The following GAB2 variants were observed in gnomAD, a reference collection of about 807,000 sequenced individuals.
GAB2 encodes GRB2-associated-binding protein 2.
In GAB2, 26 loss-of-function variants were observed where a neutral mutation model predicts 65.5. The observed-to-expected ratio is 0.40, with a 90% CI of 0.29 to 0.55. The LOEUF (loss-of-function observed/expected upper bound fraction) is 0.55. Among genes scored for constraint, GAB2 ranks in the 20% least tolerant of loss-of-function variants. The pLI is 0.53. For synonymous variants in GAB2, 321 were observed against 329.6 expected, an observed-to-expected ratio of 0.97 and a Z score of 0.28; for missense variants, 884 against 875.8, an observed-to-expected ratio of 1.01 and a Z score of -0.12.
intron 3 of GAB2, among the ~76,000 whole-genome samples, chr11:78,231,336 G>GTGTGT (rs1554975133): frequency 2.2e-3 from 318 of 145,898 alleles, no homozygotes; most frequent in African/African-American, 7.7e-3. Context: ...GCGCGTGTGT[G>GTGTGT]GTGTGTGTGT....
chr11:78,296,338 C>T (rs751616192), intron 1 of GAB2, among the ~76,000 whole-genome samples: 3 of 152,166 alleles, frequency 2.0e-5, no homozygotes, highest in Non-Finnish European at 4.4e-5. Context: ...TACATAACCT[C>T]GTTTTATATG....
At chr11:78,274,353 A>G (rs148653120) in intron 2 of GAB2, among the ~76,000 whole-genome samples, 146 of 152,278 alleles carry the variant, frequency 9.6e-4, no homozygotes, top group African/African-American at 3.4e-3. Flanking sequence ...GAGGCTCCAC[A>G]TATGATGAAG....
intron 6 of GAB2, among the ~76,000 whole-genome samples, chr11:78,223,045 C>G (rs995752714): frequency 3.3e-5 from 5 of 152,176 alleles, no homozygotes; most frequent in Non-Finnish European, 5.9e-5. Context: ...TTGGCCAGAC[C>G]CACAGGGGGC....
intron 3 of GAB2, among the ~76,000 whole-genome samples, chr11:78,230,666 A>G (rs574535005): frequency 6.6e-6 from 1 of 152,374 alleles, no homozygotes; most frequent in Admixed American, 6.5e-5. Flanking sequence ...ATAGTGACAC[A>G]TGTTGAGGGA....
intron 1 of GAB2, among the ~76,000 whole-genome samples, chr11:78,387,032 G>A (rs1046318708): frequency 2.6e-5 from 4 of 152,086 alleles, no homozygotes; most frequent in Admixed American, 6.6e-5. Flanking sequence ...CCAAAATAAT[G>A]AATGAATGAA....
At chr11:78,315,175 C>A (rs1386872361) in intron 1 of GAB2, among the ~76,000 whole-genome samples, 1 of 152,186 alleles carries the variant, frequency 6.6e-6, no homozygotes, top group African/African-American at 2.4e-5. Flanking sequence ...AAACACACTT[C>A]AAAGTTCTGC....
At chr11:78,254,120 T>G (rs1484351448) in intron 2 of GAB2, among the ~76,000 whole-genome samples, 1 of 152,164 alleles carries the variant, frequency 6.6e-6, no homozygotes, top group Admixed American at 6.5e-5. Flanking sequence ...TCTCAGAGTC[T>G]CAGTCTCCTT....
intron 1 of GAB2, among the ~76,000 whole-genome samples, chr11:78,382,333 A>G (rs1348830890): frequency 1.3e-5 from 2 of 151,962 alleles, no homozygotes; most frequent in African/African-American, 4.8e-5. Flanking sequence ...AAAAGCCTAC[A>G]ATTCCTTGGC....
chr11:78,232,127 G>C (rs1211705623), intron 3 of GAB2, among the ~76,000 whole-genome samples: 3 of 152,198 alleles, frequency 2.0e-5, no homozygotes. Context: ...TTTTGCCTTT[G>C]GTCAGTCAAT....
chr11:78,340,930 G>C (rs1388294432), intron 1 of GAB2, among the ~76,000 whole-genome samples: 1 of 152,132 alleles, frequency 6.6e-6, no homozygotes, highest in Non-Finnish European at 1.5e-5. Context: ...AAGCAGGAAG[G>C]GATAAGCCTC....
intron 3 of GAB2, among the ~76,000 whole-genome samples, chr11:78,243,781 T>C (rs1402752527): frequency 1.3e-5 from 2 of 151,772 alleles, no homozygotes; most frequent in East Asian, 1.9e-4. Flanking sequence ...GAGGCGGAGG[T>C]TGTAGTGAGC....
chr11:78,329,068 G>T (rs553867746), intron 1 of GAB2, among the ~76,000 whole-genome samples: 2 of 152,290 alleles, frequency 1.3e-5, no homozygotes, highest in South Asian at 4.1e-4. Flanking sequence ...CAAAGGAATG[G>T]ATAGACAAAT....
chr11:78,286,399 T>G (rs978255792), intron 1 of GAB2, among the ~76,000 whole-genome samples: 4 of 152,000 alleles, frequency 2.6e-5, no homozygotes, highest in African/African-American at 9.7e-5. Flanking sequence ...TACTAACCTG[T>G]GCTTACCCCA....
intron 3 of GAB2, among the ~76,000 whole-genome samples, chr11:78,237,051 G>C (rs746605992): frequency 2.0e-5 from 3 of 152,090 alleles, no homozygotes; most frequent in African/African-American, 4.8e-5. Flanking sequence ...GGTTATGCTG[G>C]TCTCATAAAA....
At chr11:78,348,498 C>A (rs1191717740) in intron 1 of GAB2, among the ~76,000 whole-genome samples, 3 of 152,170 alleles carry the variant, frequency 2.0e-5, no homozygotes, top group African/African-American at 7.2e-5. Context: ...CTCAACATCA[C>A]TAGACATCAG....
chr11:78,340,508 G>A (rs1344127724), intron 1 of GAB2, among the ~76,000 whole-genome samples: 3 of 151,324 alleles, frequency 2.0e-5, no homozygotes, highest in African/African-American at 7.3e-5. Flanking sequence ...CTATCACTTT[G>A]AAATCTTTCT....
intron 1 of GAB2, among the ~76,000 whole-genome samples, chr11:78,348,421 G>T (rs1042551293): frequency 1.1e-4 from 17 of 152,072 alleles, no homozygotes; most frequent in African/African-American, 4.1e-4. Context: ...TTTTTAAATG[G>T]GCAAAAGATT....
Position 78,387,040 on chromosome 11 carries a change from G to C in GAB2, c.75+30606C>G, listed in dbSNP as rs149220037. ...GTTGTTACCAAAATAATGAATGAAT[G>C]AATCAATCAATCAATGAATGAGGTG... On this transcript the variant is annotated intron_variant, in intron 1 of 9. Coordinates refer to ENST00000361507, the MANE Select transcript of GAB2 (RefSeq NM_080491.3). 4.7e-3 allele frequency among the ~76,000 whole-genome samples: 715 copies of C among 152,244 alleles called. 4 individuals are homozygous for C. The highest frequency in any genetic ancestry group is 0.016 in the African/African-American group (678 of 41,542).
At chr11:78,382,788 T>C (rs533949150) in intron 1 of GAB2, among the ~76,000 whole-genome samples, 2 of 152,190 alleles carry the variant, frequency 1.3e-5, no homozygotes, top group Non-Finnish European at 2.9e-5. Flanking sequence ...CCCTGTAGAT[T>C]TGAGAGCAGA....
Sources: gnomAD v4.1 joint callset for allele counts (sites outside exome capture counted in the v4.1 genomes callset) on GRCh38, gnomAD v4.1.1 for gene constraint, MANE v1.5 for transcripts, NCBI Gene and HGNC (gene_info 2026-07-23, HGNC 2026-07-21) for gene names.